FAM135B: variants seen among roughly 807,000 people sequenced by gnomAD.
FAM135B encodes protein FAM135B.
In FAM135B, 43 loss-of-function variants were observed where a neutral mutation model predicts 127.7. The ratio of observed to expected loss-of-function variants is 0.34; its 90% CI spans 0.26 to 0.43. The LOEUF (loss-of-function observed/expected upper bound fraction) is 0.43, where lower values mean the gene tolerates loss of function less well. Among genes scored for constraint, FAM135B ranks in the 20% least tolerant of loss-of-function variants. The pLI is 1.00. For missense variants in FAM135B, 1,558 were observed against 1,725.6 expected (o/e 0.90, Z 1.72); for synonymous variants, 670 against 665.1 (o/e 1.01, Z -0.11).
At chr8:138,205,524 T>C (rs1439478657) in intron 7 of FAM135B, among the ~76,000 whole-genome samples, 2 of 152,198 alleles carry the variant, frequency 1.3e-5, no homozygotes, top group Non-Finnish European at 2.9e-5. Flanking sequence ...GTGCCAGCTG[T>C]AGCTTTGCTG....
At chr8:138,281,792 A>T (rs1009498336) in intron 3 of FAM135B, among the ~76,000 whole-genome samples, 7 of 151,960 alleles carry the variant, frequency 4.6e-5, no homozygotes, top group Admixed American at 4.6e-4. Flanking sequence ...TGTTATACTG[A>T]TTATCTTCCT....
At chr8:138,321,307 T>G (rs1195254180) in intron 2 of FAM135B, among the ~76,000 whole-genome samples, 1 of 152,172 alleles carries the variant, frequency 6.6e-6, no homozygotes, top group African/African-American at 2.4e-5. Context: ...GCCTCCCACT[T>G]CCATGATCCC....
At chr8:138,227,710 CTCTCTTTTT>C (rs1819568472) in intron 7 of FAM135B, among the ~76,000 whole-genome samples, 1 of 123,100 alleles carries the variant, frequency 8.1e-6, no homozygotes, top group African/African-American at 3.2e-5. Context: ...TTAATTTTGT[CTCTCTTTTT>C]TTTTTTTTTT....
intron 17 of FAM135B, among the ~76,000 whole-genome samples, chr8:138,139,515 G>T (rs1816942700): frequency 6.6e-6 from 1 of 152,224 alleles, no homozygotes; most frequent in Admixed American, 6.5e-5. Flanking sequence ...GCTCATGCCT[G>T]TAATCCCAGC....
intron 3 of FAM135B, among the ~76,000 whole-genome samples, chr8:138,273,395 G>A (rs376268637): frequency 4.6e-5 from 7 of 152,166 alleles, no homozygotes; most frequent in African/African-American, 1.4e-4. Flanking sequence ...TAGTAGAGAC[G>A]GTGTTTCACC....
chr8:138,142,802 T>G, intron 16 of FAM135B: 1 of 458,420 alleles, frequency 2.2e-6, no homozygotes, highest in Non-Finnish European at 3.9e-6. Context: ...ACTACAAAAT[T>G]TTTATTCTCC....
At chr8:138,334,302 C>T (rs527255509) in intron 2 of FAM135B, among the ~76,000 whole-genome samples, 9 of 152,338 alleles carry the variant, frequency 5.9e-5, no homozygotes, top group South Asian at 2.1e-4. Context: ...ATACCCACAT[C>T]GCTCAGACTT....
intron 1 of FAM135B, among the ~76,000 whole-genome samples, chr8:138,380,150 A>T (rs923487658): frequency 9.9e-5 from 15 of 152,136 alleles, no homozygotes; most frequent in Admixed American, 5.9e-4. Context: ...CTTTGAGGTC[A>T]GTAGCACCAT....
intron 7 of FAM135B, among the ~76,000 whole-genome samples, chr8:138,200,437 G>A (rs1463273824): frequency 6.6e-6 from 1 of 152,170 alleles, no homozygotes; most frequent in Non-Finnish European, 1.5e-5. Flanking sequence ...AGTTAGATCT[G>A]TGGAGCAGGA....
At chr8:138,372,835 G>A (rs1194335307) in intron 1 of FAM135B, among the ~76,000 whole-genome samples, 1 of 152,050 alleles carries the variant, frequency 6.6e-6, no homozygotes, top group Non-Finnish European at 1.5e-5. Flanking sequence ...GACCTGCCCT[G>A]TGCTGGGAGC....
chr8:138,146,273 C>A (rs772812191), intron 14 of FAM135B, among the ~76,000 whole-genome samples: 7 of 152,102 alleles, frequency 4.6e-5, no homozygotes, highest in Non-Finnish European at 1.0e-4. Flanking sequence ...GCGGTCCCAC[C>A]TCGATAGAGT....
intron 2 of FAM135B, among the ~76,000 whole-genome samples, chr8:138,324,353 T>G (rs1036807948): frequency 6.6e-6 from 1 of 152,222 alleles, no homozygotes; most frequent in Non-Finnish European, 1.5e-5. Flanking sequence ...TTTAAATAAT[T>G]GAGGAATTCC....
chr8:138,142,166 T>C (rs1817221970), intron 16 of FAM135B, among the ~76,000 whole-genome samples: 1 of 152,174 alleles, frequency 6.6e-6, no homozygotes, highest in African/African-American at 2.4e-5. Context: ...CATATTCAAT[T>C]GCATGAAAAA....
In FAM135B at chr8:138,148,679, G is replaced by T. The variant is rs1309470606; in HGVS notation, c.3289C>A (p.Gln1097Lys). The change falls in exon 14 of 20, where the codon CAG (glutamine) becomes AAG (lysine). Residue 1097 changes from glutamine to lysine, a missense_variant. This residue lies in a region of FAM135B where 923 missense variants were observed against 865.3 expected (regional missense o/e 1.07). Coordinates refer to ENST00000395297, the MANE Select transcript of FAM135B (RefSeq NM_015912.4). ...EVSERMFSFY[Q>K]AKEKFKKELK... ...TCTTTTTTAAATTTTTCTTTGGCCT[G>T]ATAAAAACTGGAGAATACACTAATT... 1.2e-6 allele frequency: 2 copies of T among 1,602,316 alleles called. No homozygotes were observed. Among genetic ancestry groups the T allele is most frequent in the South Asian group, 1.1e-5 (1 of 89,210 alleles).
chr8:138,179,544 A>G (rs1316223657), intron 9 of FAM135B, among the ~76,000 whole-genome samples: 1 of 152,170 alleles, frequency 6.6e-6, no homozygotes, highest in Non-Finnish European at 1.5e-5. Context: ...CCACATCACC[A>G]TGTCACCTTC....
rs1170790222 is a variant in FAM135B, at chr8:138,359,302, C to T, written c.77+8605G>A. Among the ~76,000 whole-genome samples the T allele has an allele frequency of 3.3e-5, 5 of 152,138 alleles. No individual in the cohort carries two copies. In the South Asian group the frequency reaches 1.0e-3, roughly 32 times the overall value. On this transcript the variant is annotated intron_variant, in intron 2 of 19. Coordinates refer to ENST00000395297, the MANE Select transcript of FAM135B (RefSeq NM_015912.4). ...ACACTGACTGTAAGTGATCAATATC[C>T]TACATCAAACTGGCTTTAACAAAAA...
At chr8:138,351,207 C>G (rs976807198) in intron 2 of FAM135B, among the ~76,000 whole-genome samples, 2 of 152,170 alleles carry the variant, frequency 1.3e-5, no homozygotes, top group Non-Finnish European at 2.9e-5. Context: ...TGCTCAAGTC[C>G]TAACTCCTAG....
chr8:138,155,259 AC>A (rs1818609572), intron 12 of FAM135B, among the ~76,000 whole-genome samples: 1 of 152,142 alleles, frequency 6.6e-6, no homozygotes, highest in Non-Finnish European at 1.5e-5. Flanking sequence ...AGATTTTGTC[AC>A]CACCAGGCCT....
chr8:138,265,583 AT>A, intron 4 of FAM135B, 119 bp downstream of exon 4: 1 of 1,130,256 alleles, frequency 8.8e-7, no homozygotes, highest in Non-Finnish European at 1.3e-6. Flanking sequence ...AAAAGCACTA[AT>A]CTCTGTCAGA....
Sources: gnomAD v4.1 joint callset for allele counts (sites outside exome capture counted in the v4.1 genomes callset) on GRCh38, gnomAD v4.1.1 for gene constraint, gnomAD v4.1.1 regional missense constraint, MANE v1.5 for transcripts, NCBI Gene and HGNC (gene_info 2026-07-23, HGNC 2026-07-21) for gene names.